The following TRIP12 variants were observed in gnomAD, a reference collection of about 807,000 sequenced individuals.
TRIP12 encodes E3 ubiquitin-protein ligase TRIP12.
In TRIP12, 25 loss-of-function variants were observed where a neutral mutation model predicts 244.2. The observed-to-expected ratio is 0.10, with a 90% CI of 0.07 to 0.14. The LOEUF (loss-of-function observed/expected upper bound fraction) is 0.14. Among genes scored for constraint, TRIP12 ranks in the 10% least tolerant of loss-of-function variants. TRIP12 has a pLI of 1.00. For missense variants in TRIP12, 1,677 were observed against 2,486.4 expected (o/e 0.67, Z 6.92); for synonymous variants, 905 against 873.1 (o/e 1.04, Z -0.64).
intron 4 of TRIP12, among the ~76,000 whole-genome samples, chr2:229,841,165 C>T (rs371152276): frequency 1.3e-5 from 2 of 152,188 alleles, no homozygotes; most frequent in East Asian, 3.9e-4. Context: ...AAGCTATCCC[C>T]AAAGTCCTGC....
chr2:229,872,436 C>T (rs990325582), intron 2 of TRIP12, among the ~76,000 whole-genome samples: 1 of 152,116 alleles, frequency 6.6e-6, no homozygotes, highest in Admixed American at 6.6e-5. Flanking sequence ...TGGTGACAGG[C>T]ACCTGTAGTC....
At position 229,796,795 on chromosome 2, in the gene TRIP12, G is replaced by A; in HGVS notation, c.3625-13C>T. 1 of 1,539,846 alleles carries A rather than the reference G, an allele frequency of 6.5e-7. No homozygotes were observed. Among genetic ancestry groups the A allele is most frequent in the East Asian group, 2.3e-5 (1 of 43,518 alleles). ...CTCCACCATCCACCTGAAAGAGTTA[G>A]GAAAAGTATTTCTATATTGATTTAA... On this transcript the variant is annotated splice_polypyrimidine_tract_variant and intron_variant, in intron 24 of 41. Transcript: ENST00000675903.
chr2:229,793,928 T>C (rs113470696), intron 26 of TRIP12, among the ~76,000 whole-genome samples: 1,563 of 152,092 alleles, frequency 0.01, 26 homozygotes, highest in African/African-American at 0.036. Context: ...TCTTCCAATA[T>C]AGCCCAGGGA....
At chr2:229,785,495 T>A (rs1407049877) in intron 34 of TRIP12, among the ~76,000 whole-genome samples, 1 of 152,212 alleles carries the variant, frequency 6.6e-6, no homozygotes. Context: ...ATTTTGAAAG[T>A]TATCAGCTGT....
intron 37 of TRIP12, among the ~76,000 whole-genome samples, chr2:229,776,260 T>A (rs1248030846): frequency 6.6e-6 from 1 of 152,188 alleles, no homozygotes; most frequent in Non-Finnish European, 1.5e-5. Context: ...TTTTACTTGC[T>A]TTTTTGTTTC....
intron 21 of TRIP12, among the ~76,000 whole-genome samples, chr2:229,801,357 C>T (rs1212632115): frequency 6.6e-6 from 1 of 152,202 alleles, no homozygotes; most frequent in Non-Finnish European, 1.5e-5. Flanking sequence ...CCAGGTGGCA[C>T]CAAATTCCCC....
intron 15 of TRIP12, among the ~76,000 whole-genome samples, chr2:229,809,129 A>T (rs1011762475): frequency 6.6e-6 from 1 of 152,232 alleles, no homozygotes; most frequent in African/African-American, 2.4e-5. Context: ...TTTGCCAATA[A>T]TCAGTAAGTT....
chr2:229,918,175 G>A (rs548046742), intron 1 of TRIP12, among the ~76,000 whole-genome samples: 9 of 152,336 alleles, frequency 5.9e-5, no homozygotes, highest in Admixed American at 2.6e-4. Context: ...CTGAAGACAT[G>A]AGTTGTAAGT....
At chr2:229,836,696 A>T in intron 6 of TRIP12, 152 bp downstream of exon 6, 1 of 981,590 alleles carries the variant, frequency 1.0e-6, no homozygotes, top group South Asian at 2.4e-5. Flanking sequence ...ATGGCAACCA[A>T]ATCCAACTAA....
In TRIP12 at chr2:229,764,355, A is replaced by G. The variant is rs2031176324; in HGVS notation, c.*3199T>C. 1 of 152,246 alleles carries G rather than the reference A, an allele frequency of 6.6e-6. No individual in the cohort carries two copies. Among genetic ancestry groups the G allele is most frequent in the Admixed American group, 6.5e-5 (1 of 15,286 alleles). 9.4% of individuals were successfully genotyped at this position (152,246 alleles called of 1,614,324 possible). On this transcript the variant is annotated 3_prime_UTR_variant, in exon 42 of 42. Coordinates refer to ENST00000675903, the MANE Select transcript of TRIP12 (RefSeq NM_001348323.3). ...CAGAATATGACATTTCCAAACAATT[A>G]TTCTCATTACAGCAGGGAAAACAAA...
At chr2:229,863,098 G>A (rs1028428315) in intron 2 of TRIP12, among the ~76,000 whole-genome samples, 14 of 151,724 alleles carry the variant, frequency 9.2e-5, no homozygotes, top group African/African-American at 2.7e-4. Flanking sequence ...GCATGGTGGC[G>A]CACACCTGTA....
chr2:229,774,950 A>C (rs940260328), intron 37 of TRIP12, among the ~76,000 whole-genome samples: 1 of 152,242 alleles, frequency 6.6e-6, no homozygotes, highest in Non-Finnish European at 1.5e-5. Flanking sequence ...TGAAAGGCCC[A>C]TGTAAATTTT....
At chr2:229,864,430 T>C (rs2061142478) in intron 2 of TRIP12, among the ~76,000 whole-genome samples, 1 of 152,196 alleles carries the variant, frequency 6.6e-6, no homozygotes, top group Non-Finnish European at 1.5e-5. Flanking sequence ...TTTCCTGTTA[T>C]CTTCTTCCTT....
chr2:229,856,823 C>A (rs1460087068), intron 4 of TRIP12, among the ~76,000 whole-genome samples: 1 of 152,200 alleles, frequency 6.6e-6, no homozygotes, highest in Non-Finnish European at 1.5e-5. Flanking sequence ...CTTCTCACTT[C>A]AAGATACTGA....
intron 1 of TRIP12, among the ~76,000 whole-genome samples, chr2:229,890,800 C>T (rs759307365): frequency 3.9e-5 from 6 of 152,316 alleles, no homozygotes; most frequent in Non-Finnish European, 7.3e-5. Flanking sequence ...TAATGCCCCA[C>T]ATTTCTACAT....
At chr2:229,920,494 A>T (rs1310764842) in intron 1 of TRIP12, among the ~76,000 whole-genome samples, 1 of 152,024 alleles carries the variant, frequency 6.6e-6, no homozygotes, top group African/African-American at 2.4e-5. Context: ...CAACCTTTAC[A>T]CACAAACACA....
At chr2:229,852,010 G>C (rs1180840417) in intron 4 of TRIP12, among the ~76,000 whole-genome samples, 2 of 152,158 alleles carry the variant, frequency 1.3e-5, no homozygotes, top group Non-Finnish European at 2.9e-5. Flanking sequence ...CTCCGTGCTA[G>C]GGGCCCAAAG....
In TRIP12 at chr2:229,778,618, A is replaced by G; in HGVS notation, c.5210-31T>C. On this transcript the variant is annotated intron_variant, in intron 35 of 41. Transcript: ENST00000675903. The surrounding 1 kb of genome is among the most constrained non-coding windows in gnomAD (Gnocchi z 4.1). ...AAACAAGCAATGCAGCAAACTTCAG[A>G]TGATGTTTCCAAAAACAAAACAAAA... 1 of 1,587,658 alleles carries G rather than the reference A, an allele frequency of 6.3e-7. No homozygotes were observed. Among genetic ancestry groups the G allele is most frequent in the Non-Finnish European group, 8.6e-7 (1 of 1,168,618 alleles).
intron 8 of TRIP12, among the ~76,000 whole-genome samples, chr2:229,819,405 C>G (rs529379183): frequency 6.6e-6 from 1 of 152,064 alleles, no homozygotes; most frequent in Non-Finnish European, 1.5e-5. Context: ...ATTAGCCGAG[C>G]GCAGTGGTGT....
Sources: gnomAD v4.1 joint callset for allele counts (sites outside exome capture counted in the v4.1 genomes callset) on GRCh38, gnomAD v4.1.1 for gene constraint, Gnocchi (gnomAD v3.1) non-coding constraint, MANE v1.5 for transcripts, NCBI Gene and HGNC (gene_info 2026-07-23, HGNC 2026-07-21) for gene names.